Variants in DNER observed in about 807,000 individuals in gnomAD.
The protein encoded by DNER is delta/notch like EGF repeat containing.
DNER carries 33 observed loss-of-function variants against 78.2 expected under a neutral mutation model. The ratio of observed to expected loss-of-function variants is 0.42; its 90% confidence interval spans 0.32 to 0.56. The LOEUF is 0.56. Ranked by LOEUF, DNER falls within the 20% of genes least tolerant of loss-of-function variation. The pLI, the probability that DNER is intolerant of heterozygous loss-of-function variation, is 0.11. For missense variants in DNER, 918 were observed against 975.3 expected (o/e 0.94, Z 0.78); for synonymous variants, 417 against 384.8 (o/e 1.08, Z -0.98).
intron 1 of DNER, among the ~76,000 whole-genome samples, chr2:229,604,797 C>T (rs1697901788): frequency 6.6e-6 from 1 of 152,178 alleles, no homozygotes; most frequent in Non-Finnish European, 1.5e-5. Flanking sequence ...GGGTATCCAA[C>T]TTCATTTATC....
chr2:229,532,915 C>T (rs2154212860), intron 5 of DNER, among the ~76,000 whole-genome samples: 1 of 152,226 alleles, frequency 6.6e-6, no homozygotes, highest in Non-Finnish European at 1.5e-5. Flanking sequence ...GAGACAGTTG[C>T]TGATCCTGGG....
Position 229,367,000 on chromosome 2 carries a change from C to T in DNER, c.1975G>A (p.Val659Met), listed in dbSNP as rs370587377. Residue 659 changes from valine to methionine, a missense_variant, in exon 12 of 13, where the codon GTG becomes ATG. Val to Met is a conservative substitution (Grantham distance 21, BLOSUM62 1). Coordinates refer to ENST00000341772, the MANE Select transcript of DNER (RefSeq NM_139072.4). Reference sequence around the variant, plus strand: ...ATGCGGCTGATGCGGCAAATCCCCACGATCAGGATGATCAGCATAAGGATG... The same window carrying T: ...ATGCGGCTGATGCGGCAAATCCCCATGATCAGGATGATCAGCATAAGGATG... ...AFILMLIILI[V>M]GICRISRIEY... 2.0e-5 allele frequency: 32 copies of T among 1,614,098 alleles called. No individual in the cohort carries two copies. The highest frequency in any genetic ancestry group is 3.3e-5 in the South Asian group (3 of 91,072).
intron 1 of DNER, among the ~76,000 whole-genome samples, chr2:229,640,496 T>C (rs1022465133): frequency 6.6e-6 from 1 of 150,972 alleles, no homozygotes; most frequent in Non-Finnish European, 1.5e-5. Flanking sequence ...TATGAGGAGT[T>C]TGCCTATGTG....
chr2:229,557,114 G>C (rs1264385788), intron 4 of DNER, among the ~76,000 whole-genome samples: 1 of 152,188 alleles, frequency 6.6e-6, no homozygotes, highest in East Asian at 1.9e-4. Context: ...TTACAAAGGG[G>C]CAGCAGGAAG....
At chr2:229,630,816 A>G (rs539065926) in intron 1 of DNER, among the ~76,000 whole-genome samples, 1 of 152,010 alleles carries the variant, frequency 6.6e-6, no homozygotes, top group East Asian at 1.9e-4. Context: ...TGTAGTCCCC[A>G]ATGTCTATTT....
rs538012875 is a variant in DNER at position 229,513,130 on chromosome 2, C to T, written c.994-194G>A. The stretch of plus-strand genomic sequence containing the variant: ...TTTCTTTACAGTCTAATCTCAAACA[C>T]GTTTTTCTATTCTTTGTTCATATTT... On this transcript the variant is annotated intron_variant, in intron 5 of 12. Transcript: ENST00000341772. 2.6e-5 allele frequency among the ~76,000 whole-genome samples: 4 copies of T among 152,280 alleles called. No individual in the cohort carries two copies. The South Asian group carries it at 6.2e-4, about 24-fold the overall frequency.
chr2:229,633,799 A>G (rs986639729), intron 1 of DNER, among the ~76,000 whole-genome samples: 3 of 152,210 alleles, frequency 2.0e-5, no homozygotes, highest in Admixed American at 1.3e-4. Context: ...TCCACATCCA[A>G]GAGAGGTGCG....
chr2:229,620,155 G>C (rs922562962), intron 1 of DNER, among the ~76,000 whole-genome samples: 12 of 152,158 alleles, frequency 7.9e-5, no homozygotes, highest in African/African-American at 1.4e-4. Context: ...TGTCGCGGAA[G>C]AACGGGATCA....
chr2:229,658,760 C>A (rs1698954944), intron 1 of DNER, among the ~76,000 whole-genome samples: 1 of 152,058 alleles, frequency 6.6e-6, no homozygotes, highest in Non-Finnish European at 1.5e-5. Context: ...GCCTTGATGC[C>A]CTATTCTTCT....
At chr2:229,703,975 T>A (rs763628177) in intron 1 of DNER, among the ~76,000 whole-genome samples, 2 of 151,286 alleles carry the variant, frequency 1.3e-5, no homozygotes, top group African/African-American at 2.4e-5. Flanking sequence ...AGAAAATATT[T>A]GCAAATCGCA....
intron 1 of DNER, among the ~76,000 whole-genome samples, chr2:229,620,246 G>C (rs1482392613): frequency 1.3e-5 from 2 of 152,158 alleles, no homozygotes; most frequent in Non-Finnish European, 2.9e-5. Context: ...ATAATGGAAA[G>C]GAAATAAATT....
intron 1 of DNER, among the ~76,000 whole-genome samples, chr2:229,674,735 T>A (rs1250260706): frequency 6.6e-6 from 1 of 152,214 alleles, no homozygotes; most frequent in African/African-American, 2.4e-5. Flanking sequence ...CTGGCTGGAT[T>A]CAGGGGTGAG....
intron 5 of DNER, among the ~76,000 whole-genome samples, chr2:229,536,679 C>T (rs1696411300): frequency 6.6e-6 from 1 of 152,212 alleles, no homozygotes; most frequent in Non-Finnish European, 1.5e-5. Flanking sequence ...AAAATCCAGC[C>T]AGAGGCCTAT....
intron 1 of DNER, among the ~76,000 whole-genome samples, chr2:229,684,170 GT>G (rs1699443534): frequency 1.4e-5 from 1 of 69,416 alleles, no homozygotes; most frequent in African/African-American, 6.6e-5. Flanking sequence ...GAGAGAGAGA[GT>G]GTGTGTGTGT....
chr2:229,588,088 G>A (rs572417923), intron 3 of DNER, among the ~76,000 whole-genome samples: 8 of 152,206 alleles, frequency 5.3e-5, no homozygotes, highest in Non-Finnish European at 1.2e-4. Context: ...AATTTGGGAA[G>A]CAAAGCATTT....
chr2:229,510,702 T>G (rs1407091135), intron 6 of DNER, among the ~76,000 whole-genome samples: 2 of 152,132 alleles, frequency 1.3e-5, no homozygotes, highest in Non-Finnish European at 2.9e-5. Context: ...TGGAGATGAC[T>G]GAGCTTAGGT....
chr2:229,482,074 A>G (rs532809418), intron 6 of DNER, among the ~76,000 whole-genome samples: 1 of 152,246 alleles, frequency 6.6e-6, no homozygotes, highest in Non-Finnish European at 1.5e-5. Context: ...TTGATTTCCA[A>G]ATGACGAAAG....
intron 5 of DNER, among the ~76,000 whole-genome samples, chr2:229,530,229 A>G (rs998604543): frequency 3.3e-5 from 5 of 152,234 alleles, no homozygotes; most frequent in Admixed American, 6.5e-5. Flanking sequence ...TTCTGTTCAT[A>G]TACTTCAATG....
chr2:229,534,771 G>T lies in DNER; in HGVS notation c.993+12176C>A, dbSNP rs542585235. Among the ~76,000 whole-genome samples the T allele has an allele frequency of 1.6e-4, 24 of 152,260 alleles. No homozygotes were observed. The East Asian group carries it at 3.7e-3, about 23-fold the overall frequency. The stretch of plus-strand genomic sequence containing the variant: ...ACTATAATTATTGTTCATTTAAAAG[G>T]TATTATTATGTTAACAGGTGATGAG... On this transcript the variant is annotated intron_variant, in intron 5 of 12. Transcript: ENST00000341772.
Sources: gnomAD v4.1 joint callset for allele counts (sites outside exome capture counted in the v4.1 genomes callset) on GRCh38, gnomAD v4.1.1 for gene constraint, MANE v1.5 for transcripts, NCBI Gene and HGNC (gene_info 2026-07-23, HGNC 2026-07-21) for gene names.